LDB2: variants seen among roughly 807,000 people sequenced by gnomAD.
LDB2 encodes LIM domain binding 2.
In LDB2, 12 loss-of-function variants were observed where a neutral mutation model predicts 44.3. That is an observed-to-expected ratio of 0.27 (90% CI 0.17 to 0.44). LDB2 has a LOEUF of 0.44. LDB2 is among the 20% of genes least tolerant of loss of function. The probability of loss-of-function intolerance (pLI) is 1.00; values close to 1 mark genes in which losing one functional copy is unlikely to be tolerated. For synonymous variants in LDB2, 164 were observed against 174.8 expected, an observed-to-expected ratio of 0.94 and a Z score of 0.49; for missense variants, 344 against 473.5, an observed-to-expected ratio of 0.73 and a Z score of 2.54.
intron 2 of LDB2, among the ~76,000 whole-genome samples, chr4:16,654,883 C>G (rs1739346975): frequency 6.6e-6 from 1 of 152,012 alleles, no homozygotes; most frequent in South Asian, 2.1e-4. Context: ...ATTTGGTTCT[C>G]TTTAATATTT....
At chr4:16,656,151 C>G (rs1056972255) in intron 2 of LDB2, among the ~76,000 whole-genome samples, 1 of 152,150 alleles carries the variant, frequency 6.6e-6, no homozygotes, top group African/African-American at 2.4e-5. Flanking sequence ...CCACCCGCCT[C>G]GGCCTCCCAA....
chr4:16,746,613 C>G (rs1437446901), intron 2 of LDB2, among the ~76,000 whole-genome samples: 2 of 152,052 alleles, frequency 1.3e-5, no homozygotes, highest in African/African-American at 2.4e-5. Flanking sequence ...ATGGTGAAAC[C>G]CCGTCTCTAC....
intron 1 of LDB2, among the ~76,000 whole-genome samples, chr4:16,760,897 T>A (rs1767759250): frequency 6.6e-6 from 1 of 152,082 alleles, no homozygotes; most frequent in Non-Finnish European, 1.5e-5. Flanking sequence ...GGAAAAAGAG[T>A]CACAGTTAAC....
At chr4:16,579,143 ATAATT>A (rs148626263) in intron 5 of LDB2, among the ~76,000 whole-genome samples, 2,864 of 152,322 alleles carry the variant, frequency 0.019, 94 homozygotes, top group African/African-American at 0.065. Context: ...CAGTAAAAAA[ATAATT>A]TAATTGTTCT....
chr4:16,799,145 G>A (rs1329287915), intron 1 of LDB2, among the ~76,000 whole-genome samples: 2 of 152,094 alleles, frequency 1.3e-5, no homozygotes, highest in Admixed American at 6.5e-5. Context: ...GAGCCACCGC[G>A]CCCGGCTCGT....
At chr4:16,873,899 G>T (rs191694577) in intron 1 of LDB2, among the ~76,000 whole-genome samples, 227 of 152,152 alleles carry the variant, frequency 1.5e-3, no homozygotes, top group African/African-American at 4.6e-3. Flanking sequence ...TTCCATCCAC[G>T]TAATCTACAA....
In LDB2 at chr4:16,821,795, C is replaced by T. The variant is rs113152013; in HGVS notation, c.133-62535G>A. Among the ~76,000 whole-genome samples, 39 of 128,834 alleles carry T rather than the reference C, an allele frequency of 3.0e-4. 1 individual carries two copies. Among genetic ancestry groups the T allele is most frequent in the African/African-American group, 1.0e-3 (36 of 35,564 alleles). The allele number at this position is 128,834 out of a possible 152,430, so 84.5% of individuals were successfully genotyped here. On this transcript the variant is annotated intron_variant, in intron 1 of 7. Transcript: ENST00000304523. ...ATCAGGAATTTATAAGGTAAAGCCACTGGGCAAATCGCCCAGGTTCTCTAA... is the reference window on the plus strand; with the variant it reads ...ATCAGGAATTTATAAGGTAAAGCCATTGGGCAAATCGCCCAGGTTCTCTAA...
intron 2 of LDB2, among the ~76,000 whole-genome samples, chr4:16,631,990 C>T (rs1381443170): frequency 1.3e-5 from 2 of 152,178 alleles, no homozygotes; most frequent in African/African-American, 2.4e-5. Context: ...GATTCACAGC[C>T]AAATTCTACC....
chr4:16,842,914 C>A (rs765066339), intron 1 of LDB2, among the ~76,000 whole-genome samples: 103 of 152,114 alleles, frequency 6.8e-4, no homozygotes, highest in Non-Finnish European at 1.2e-3. Flanking sequence ...GTATATTAAG[C>A]TCATAAAGCC....
intron 1 of LDB2, among the ~76,000 whole-genome samples, chr4:16,897,044 C>T (rs1196712497): frequency 4.6e-5 from 7 of 152,192 alleles, no homozygotes; most frequent in Admixed American, 4.6e-4. Flanking sequence ...TTAAAGACAA[C>T]CCAGCTTTTA....
chr4:16,823,113 C>T (rs759618996), intron 1 of LDB2, among the ~76,000 whole-genome samples: 4 of 152,186 alleles, frequency 2.6e-5, no homozygotes, highest in Non-Finnish European at 5.9e-5. Flanking sequence ...GTCTGTCTTC[C>T]TGGGCAGCTG....
intron 2 of LDB2, among the ~76,000 whole-genome samples, chr4:16,598,856 C>T (rs990315839): frequency 1.4e-5 from 2 of 147,400 alleles, no homozygotes; most frequent in Non-Finnish European, 3.0e-5. Flanking sequence ...ATGCGAGGTG[C>T]GCGCCTCCTT....
intron 1 of LDB2, among the ~76,000 whole-genome samples, chr4:16,764,463 T>C (rs1274679818): frequency 6.6e-6 from 1 of 151,248 alleles, no homozygotes; most frequent in Non-Finnish European, 1.5e-5. Flanking sequence ...ATCTAACAAC[T>C]CTACTGGTAG....
At chr4:16,637,241 A>C (rs973276563) in intron 2 of LDB2, among the ~76,000 whole-genome samples, 11 of 150,892 alleles carry the variant, frequency 7.3e-5, no homozygotes, top group Non-Finnish European at 1.5e-4. Context: ...TAACATAAGC[A>C]ATCCCAATTC....
intron 7 of LDB2, chr4:16,506,241 C>G: frequency 2.6e-6 from 1 of 383,564 alleles, no homozygotes; most frequent in South Asian, 8.2e-5. Context: ...AACTCCAGGA[C>G]ACATATGAAT....
chr4:16,755,709 G>A (rs550423287), intron 2 of LDB2, among the ~76,000 whole-genome samples: 1 of 152,236 alleles, frequency 6.6e-6, no homozygotes, highest in Non-Finnish European at 1.5e-5. Context: ...TGCTGCCAGG[G>A]AATTGTCTAC....
intron 1 of LDB2, among the ~76,000 whole-genome samples, chr4:16,890,387 AT>A (rs1187129369): frequency 2.0e-5 from 3 of 152,202 alleles, no homozygotes; most frequent in South Asian, 2.1e-4. Flanking sequence ...GGCCGTCCTG[AT>A]TCCAAAAAGA....
intron 1 of LDB2, among the ~76,000 whole-genome samples, chr4:16,830,454 C>T (rs1783857314): frequency 2.0e-5 from 3 of 152,208 alleles, no homozygotes; most frequent in African/African-American, 7.2e-5. Context: ...GTCAATTAAA[C>T]CTCCTTTGTT....
At chr4:16,730,000 C>T (rs952731793) in intron 2 of LDB2, among the ~76,000 whole-genome samples, 3 of 152,110 alleles carry the variant, frequency 2.0e-5, no homozygotes, top group Non-Finnish European at 2.9e-5. Context: ...CAGTTTTTCC[C>T]TAGGAAACAC....
Sources: allele counts gnomAD v4.1 joint callset (sites outside exome capture counted in the v4.1 genomes callset), GRCh38; gene constraint gnomAD v4.1.1; transcripts MANE v1.5; gene names NCBI Gene and HGNC (gene_info 2026-07-23, HGNC 2026-07-21).